RCAN2: variants seen among roughly 807,000 people sequenced by gnomAD.
The protein encoded by RCAN2 is regulator of calcineurin 2.
RCAN2 carries 9 observed loss-of-function variants against 23.6 expected under a neutral mutation model. The ratio of observed to expected loss-of-function variants is 0.38; its 90% confidence interval spans 0.23 to 0.67. RCAN2 has a LOEUF of 0.67. Among genes scored for constraint, RCAN2 ranks in the 30% least tolerant of loss-of-function variants. The probability of loss-of-function intolerance (pLI) is 0.51; values close to 1 mark genes in which losing one functional copy is unlikely to be tolerated. For missense variants in RCAN2, 273 were observed against 302.3 expected (o/e 0.90, Z 0.72); for synonymous variants, 109 against 115.7 (o/e 0.94, Z 0.37).
chr6:46,437,539 C>T (rs1767409647), intron 2 of RCAN2, among the ~76,000 whole-genome samples: 1 of 152,188 alleles, frequency 6.6e-6, no homozygotes, highest in Non-Finnish European at 1.5e-5. Context: ...GGACTTCAAA[C>T]TTTGTTGTTG....
chr6:46,348,917 C>T (rs1172745772), intron 2 of RCAN2, among the ~76,000 whole-genome samples: 2 of 152,110 alleles, frequency 1.3e-5, no homozygotes, highest in Non-Finnish European at 2.9e-5. Context: ...TAATAGAGGA[C>T]TCTTTATCCC....
intron 2 of RCAN2, among the ~76,000 whole-genome samples, chr6:46,341,713 G>A (rs1163237368): frequency 6.6e-6 from 1 of 152,140 alleles, no homozygotes; most frequent in Non-Finnish European, 1.5e-5. Flanking sequence ...CAGGAGAATC[G>A]CTTGCACCTG....
chr6:46,273,712 T>C (rs1183612633), intron 2 of RCAN2, among the ~76,000 whole-genome samples: 1 of 152,240 alleles, frequency 6.6e-6, no homozygotes, highest in East Asian at 1.9e-4. Context: ...TATTTTCTCT[T>C]TATATAATGC....
chr6:46,268,838 T>C (rs1767430075), intron 2 of RCAN2, among the ~76,000 whole-genome samples: 1 of 152,222 alleles, frequency 6.6e-6, no homozygotes, highest in Non-Finnish European at 1.5e-5. Context: ...TGTGTGATTT[T>C]TTTCCCCATT....
At chr6:46,436,046 A>T (rs56199710) in intron 2 of RCAN2, among the ~76,000 whole-genome samples, 2,793 of 152,304 alleles carry the variant, frequency 0.018, 41 homozygotes, top group Admixed American at 0.032. Flanking sequence ...AGTTCTTGTG[A>T]ATAAACATAT....
At chr6:46,439,722 G>A (rs1475532045) in intron 2 of RCAN2, among the ~76,000 whole-genome samples, 3 of 152,134 alleles carry the variant, frequency 2.0e-5, no homozygotes, top group East Asian at 1.9e-4. Context: ...GTAACCAAAT[G>A]TATACTCACT....
intron 2 of RCAN2, among the ~76,000 whole-genome samples, chr6:46,266,375 T>C (rs186999937): frequency 2.0e-5 from 3 of 152,344 alleles, no homozygotes; most frequent in East Asian, 1.9e-4. Flanking sequence ...TATCATGTTA[T>C]CTGCACGTTC....
At chr6:46,455,362 A>C (rs1441708025) in intron 2 of RCAN2, among the ~76,000 whole-genome samples, 1 of 152,212 alleles carries the variant, frequency 6.6e-6, no homozygotes, top group Non-Finnish European at 1.5e-5. Flanking sequence ...ATGGCTTAAA[A>C]TAATTCCTAA....
rs139438400 is a variant in RCAN2, at chr6:46,327,712, T to C, written c.226-78816A>G. ...TTTTTTACATTTCACAGCATACTGGTAAATGTTTAACAATCAGCTCTCTGA... is the reference window on the plus strand; with the variant it reads ...TTTTTTACATTTCACAGCATACTGGCAAATGTTTAACAATCAGCTCTCTGA... On this transcript the variant is annotated intron_variant, in intron 2 of 4. Transcript: ENST00000371374. 7.2e-3 allele frequency among the ~76,000 whole-genome samples: 1,090 copies of C among 152,366 alleles called. 11 individuals are homozygous for C. The highest frequency in any genetic ancestry group is 0.024 in the African/African-American group (1,019 of 41,592).
intron 2 of RCAN2, among the ~76,000 whole-genome samples, chr6:46,377,222 T>C (rs969715463): frequency 2.0e-5 from 3 of 152,190 alleles, no homozygotes; most frequent in African/African-American, 7.2e-5. Context: ...AACCTACTTC[T>C]AAAGTCGCTG....
intron 2 of RCAN2, among the ~76,000 whole-genome samples, chr6:46,432,402 G>A (rs1224659242): frequency 6.6e-6 from 1 of 151,968 alleles, no homozygotes; most frequent in Non-Finnish European, 1.5e-5. Context: ...TAGTAGAGAT[G>A]GAGTTTCTCC....
chr6:46,442,424 G>A (rs183702496), intron 2 of RCAN2, among the ~76,000 whole-genome samples: 59 of 152,232 alleles, frequency 3.9e-4, no homozygotes, highest in Non-Finnish European at 6.0e-4. Context: ...AGGGCTGCAC[G>A]CAGCCCATCA....
At chr6:46,464,099 C>T (rs966713242) in intron 1 of RCAN2, among the ~76,000 whole-genome samples, 2 of 152,166 alleles carry the variant, frequency 1.3e-5, no homozygotes, top group Middle Eastern at 6.9e-3. Flanking sequence ...TGTTAGTTTA[C>T]AAGAACTTAA....
intron 2 of RCAN2, among the ~76,000 whole-genome samples, chr6:46,364,580 C>T (rs1035709622): frequency 6.6e-5 from 10 of 152,170 alleles, no homozygotes; most frequent in Non-Finnish European, 1.3e-4. Flanking sequence ...CCTCACACAG[C>T]TTGGCCTGAG....
chr6:46,331,221 G>A (rs1763959729), intron 2 of RCAN2, among the ~76,000 whole-genome samples: 1 of 151,818 alleles, frequency 6.6e-6, no homozygotes, highest in Admixed American at 6.6e-5. Context: ...ATGTTGCCCA[G>A]GCTGGTCTCC....
At chr6:46,339,014 C>CAAAAAAAAAAAA (rs3997300) in intron 2 of RCAN2, among the ~76,000 whole-genome samples, 3 of 47,112 alleles carry the variant, frequency 6.4e-5, no homozygotes, top group East Asian at 6.2e-4. Flanking sequence ...GACCCTGTCT[C>CAAAAAAAAAAAA]AAAAAAAAAA....
intron 2 of RCAN2, among the ~76,000 whole-genome samples, chr6:46,368,466 T>C (rs1765235694): frequency 6.6e-6 from 1 of 152,178 alleles, no homozygotes; most frequent in South Asian, 2.1e-4. Context: ...GGGTATGTCC[T>C]GAGAAATAGG....
chr6:46,314,148 G>T (rs1240264829), intron 2 of RCAN2, among the ~76,000 whole-genome samples: 1 of 151,930 alleles, frequency 6.6e-6, no homozygotes, highest in Non-Finnish European at 1.5e-5. Context: ...GATCACTTGA[G>T]GCCAGGGGTT....
intron 2 of RCAN2, among the ~76,000 whole-genome samples, chr6:46,353,190 C>T (rs896730483): frequency 6.6e-6 from 1 of 152,148 alleles, no homozygotes; most frequent in Non-Finnish European, 1.5e-5. Context: ...AAGTTCATCT[C>T]CAGCTCAGGC....
Sources: gnomAD v4.1 joint callset for allele counts (sites outside exome capture counted in the v4.1 genomes callset) on GRCh38, gnomAD v4.1.1 for gene constraint, MANE v1.5 for transcripts, NCBI Gene and HGNC (gene_info 2026-07-23, HGNC 2026-07-21) for gene names.